USP32: variants seen among roughly 807,000 people sequenced by gnomAD.
USP32 encodes the protein ubiquitin specific peptidase 32, also known as ubiquitin carboxyl-terminal hydrolase 32.
Under a neutral mutation model 204.8 loss-of-function variants are expected in USP32, and 59 were observed. That is an observed-to-expected ratio of 0.29 (90% CI 0.23 to 0.36). USP32 has a LOEUF of 0.36. Ranked by LOEUF, USP32 falls within the 10% of genes least tolerant of loss-of-function variation. USP32 has a pLI of 1.00. For missense variants in USP32, 1,160 were observed against 1,946.4 expected, an observed-to-expected ratio of 0.60 and a Z score of 7.60; for synonymous variants, 517 against 678.4, an observed-to-expected ratio of 0.76 and a Z score of 3.70.
chr17:60,377,974 A>C (rs536831018), intron 1 of USP32, among the ~76,000 whole-genome samples: 2 of 152,358 alleles, frequency 1.3e-5, no homozygotes, highest in African/African-American at 4.8e-5. Context: ...CATGAAAGAC[A>C]ATCCACAGAT....
chr17:60,352,730 A>G (rs1314048513), intron 1 of USP32, among the ~76,000 whole-genome samples: 1 of 152,226 alleles, frequency 6.6e-6, no homozygotes, highest in Non-Finnish European at 1.5e-5. Flanking sequence ...TGTTCAGACA[A>G]GAGATGAACT....
chr17:60,341,390 T>C (rs1382036112), intron 2 of USP32, among the ~76,000 whole-genome samples: 1 of 152,108 alleles, frequency 6.6e-6, no homozygotes, highest in Admixed American at 6.6e-5. Flanking sequence ...TCTCTCAGCA[T>C]TTGCTTGTCT....
intron 5 of USP32, among the ~76,000 whole-genome samples, chr17:60,285,295 T>A (rs917675924): frequency 6.6e-6 from 1 of 152,222 alleles, no homozygotes; most frequent in Non-Finnish European, 1.5e-5. Flanking sequence ...TTTAAAAGGC[T>A]TTCCTATTTA....
chr17:60,294,175 G>A (rs2087363651), intron 4 of USP32, among the ~76,000 whole-genome samples: 1 of 152,140 alleles, frequency 6.6e-6, no homozygotes, highest in South Asian at 2.1e-4. Context: ...CAAAGTACTT[G>A]GATTACAGGT....
At position 60,181,532 on chromosome 17, in the gene USP32, C is replaced by A; in HGVS notation, c.4340G>T (p.Arg1447Leu). ...QICELADALS[R>L]GHVLGGSQPE... ...TTGGCTGCCCCCCAGCACATGCCCT[C>A]GACTCAAGGCGTCAGCCAGCTCACA... Residue 1447 changes from arginine to leucine, a missense_variant, in exon 32 of 34, where the codon CGA becomes CTA. This residue lies in a region of USP32 where 244 missense variants were observed against 342.3 expected (regional missense o/e 0.71). Transcript: ENST00000300896. The A allele has an allele frequency of 6.2e-7, 1 of 1,613,990 alleles. No individual in the cohort carries two copies. The highest frequency in any genetic ancestry group is 8.5e-7 in the Non-Finnish European group (1 of 1,179,870).
chr17:60,253,836 G>T (rs546978288), intron 10 of USP32, among the ~76,000 whole-genome samples: 3 of 152,172 alleles, frequency 2.0e-5, no homozygotes, highest in Admixed American at 6.5e-5. Flanking sequence ...ATTCTGTTGT[G>T]TTTATAGTGG....
chr17:60,264,594 C>A (rs533501015), intron 9 of USP32, among the ~76,000 whole-genome samples: 1 of 149,984 alleles, frequency 6.7e-6, no homozygotes, highest in East Asian at 2.0e-4. Flanking sequence ...CAGTGGCTCA[C>A]GCCTATAATC....
intron 4 of USP32, among the ~76,000 whole-genome samples, chr17:60,291,225 T>G (rs1312089841): frequency 6.6e-6 from 1 of 152,182 alleles, no homozygotes; most frequent in Non-Finnish European, 1.5e-5. Flanking sequence ...ACTTGCCCAT[T>G]GGGAATCATT....
intron 1 of USP32, among the ~76,000 whole-genome samples, chr17:60,355,191 G>C (rs1203556136): frequency 6.6e-6 from 1 of 152,136 alleles, no homozygotes; most frequent in Admixed American, 6.5e-5. Flanking sequence ...TTAAAAAAAA[G>C]AGCAGATACT....
intron 3 of USP32, among the ~76,000 whole-genome samples, chr17:60,299,892 C>A (rs1362250637): frequency 6.6e-6 from 1 of 152,098 alleles, no homozygotes; most frequent in Admixed American, 6.5e-5. Context: ...CTCATTGTAT[C>A]CTCACACAGG....
chr17:60,289,170 G>A (rs1049073462), intron 4 of USP32, among the ~76,000 whole-genome samples: 9 of 152,036 alleles, frequency 5.9e-5, no homozygotes, highest in African/African-American at 1.7e-4. Flanking sequence ...ACCACGCCCG[G>A]CTAATTTTTT....
chr17:60,190,324 C>T (rs772666113), intron 29 of USP32, among the ~76,000 whole-genome samples: 6 of 152,168 alleles, frequency 3.9e-5, no homozygotes, highest in Non-Finnish European at 8.8e-5. Flanking sequence ...ACCAGCCTCA[C>T]GTACTCTGTT....
rs2084160336 is a variant in USP32, at chr17:60,183,224, T to C, written c.4064A>G (p.Asp1355Gly). 3.7e-6 allele frequency: 6 copies of C among 1,613,892 alleles called. No individual in the cohort carries two copies. The highest frequency in any genetic ancestry group is 5.1e-6 in the Non-Finnish European group (6 of 1,179,876). ...GGATGGGCTTTTGCTCAGGAGCACG[T>C]CCTCTTCCCCAGCCGAACTCTGCGC... is the stretch of plus-strand genomic sequence containing the variant. Reference protein sequence around the residue: ...VDAQSSAGEEDVLLSKSPSSL... With the variant: ...VDAQSSAGEEGVLLSKSPSSL... Residue 1355 changes from aspartate to glycine, a missense_variant, in exon 31 of 34, where the codon GAC (aspartate) becomes GGC (glycine). By Grantham distance (94) the Asp-to-Gly change is moderately conservative. Transcript: ENST00000300896.
intron 5 of USP32, among the ~76,000 whole-genome samples, chr17:60,272,057 C>T (rs1466433480): frequency 6.6e-6 from 1 of 152,156 alleles, no homozygotes; most frequent in African/African-American, 2.4e-5. Context: ...TCAAGCAGTC[C>T]TCTCACCTCT....
chr17:60,349,298 G>T (rs2088863072), intron 1 of USP32, among the ~76,000 whole-genome samples: 2 of 150,804 alleles, frequency 1.3e-5, no homozygotes, highest in African/African-American at 4.9e-5. Flanking sequence ...ATAATCTGGT[G>T]GCTGGGCACG....
intron 5 of USP32, among the ~76,000 whole-genome samples, chr17:60,273,911 G>C (rs1344147531): frequency 9.4e-6 from 1 of 106,578 alleles, no homozygotes; most frequent in East Asian, 2.9e-4. Flanking sequence ...AGTGAGCCGA[G>C]ATTGCGCCAC....
In USP32 at chr17:60,219,235, G is replaced by A. The variant is rs2627899; in HGVS notation, c.1867+435C>T. On this transcript the variant is annotated intron_variant, in intron 16 of 33. Transcript: ENST00000300896. ...AAAAACAAAAAAGATGATAGTATAA[G>A]AGGAATTGCTTTTTACAAATTTGAG... Among the ~76,000 whole-genome samples the A allele has an allele frequency of 1.4e-3, 212 of 152,294 alleles. 1 individual carries two copies. The highest frequency in any genetic ancestry group is 4.6e-3 in the African/African-American group (193 of 41,542).
intron 2 of USP32, 57 bp downstream of exon 2, chr17:60,345,424 T>C: frequency 1.9e-6 from 3 of 1,593,164 alleles, no homozygotes; most frequent in East Asian, 2.2e-5. Context: ...CCTCAGGAAT[T>C]TAGGCTGGTG....
rs544587069 is a variant in USP32 at position 60,181,216 on chromosome 17, A to G, written c.4548+108T>C. The G allele has an allele frequency of 1.0e-5, 14 of 1,404,254 alleles. No homozygotes were observed. The East Asian group carries it at 2.8e-4, about 28-fold the overall frequency. The allele number at this position is 1,404,254 out of a possible 1,614,324, so 87.0% of individuals were successfully genotyped here. ...TTAACTTTGTCTATCACTAAGCTCAATGCTAGGAAATAAGCAGGACCTGAA... is the reference window on the plus strand; with the variant it reads ...TTAACTTTGTCTATCACTAAGCTCAGTGCTAGGAAATAAGCAGGACCTGAA... On this transcript the variant is annotated intron_variant, in intron 32 of 33. Coordinates refer to ENST00000300896, the MANE Select transcript of USP32 (RefSeq NM_032582.4).
Sources: gnomAD v4.1 joint callset for allele counts (sites outside exome capture counted in the v4.1 genomes callset) on GRCh38, gnomAD v4.1.1 for gene constraint, gnomAD v4.1.1 regional missense constraint, MANE v1.5 for transcripts, NCBI Gene and HGNC (gene_info 2026-07-23, HGNC 2026-07-21) for gene names.